KCNU1: variants seen among roughly 807,000 people sequenced by gnomAD.
KCNU1 encodes potassium channel subfamily U member 1.
KCNU1 carries 93 observed loss-of-function variants against 126.8 expected under a neutral mutation model. The observed-to-expected ratio is 0.73, with a 90% CI of 0.62 to 0.87. KCNU1 has a LOEUF of 0.87. KCNU1 is among the 40% of genes least tolerant of loss of function. The pLI is 0.00. For missense variants in KCNU1, 1,330 were observed against 1,367.1 expected (o/e 0.97, Z 0.43); for synonymous variants, 523 against 494.2 (o/e 1.06, Z -0.77).
At chr8:36,906,057 C>G (rs1466312588) in intron 20 of KCNU1, among the ~76,000 whole-genome samples, 1 of 152,092 alleles carries the variant, frequency 6.6e-6, no homozygotes, top group Non-Finnish European at 1.5e-5. Context: ...TTCCTCTCTC[C>G]TTTGACAGTT....
intron 2 of KCNU1, among the ~76,000 whole-genome samples, chr8:36,793,718 AGTTGTCCTAGTGTAATT>A (rs560303205): frequency 0.012 from 1,830 of 152,252 alleles, 38 homozygotes; most frequent in African/African-American, 0.041. Context: ...GATTTCTGCT[AGTTGTCCTAGTGTAATT>A]GTTAATAGAG....
intron 25 of KCNU1, among the ~76,000 whole-genome samples, chr8:36,932,290 A>C (rs992437456): frequency 6.6e-6 from 1 of 152,114 alleles, no homozygotes; most frequent in Non-Finnish European, 1.5e-5. Flanking sequence ...TCCTGTTGGC[A>C]TCAAAGAGGA....
At chr8:36,920,494 C>T (rs918531852) in intron 23 of KCNU1, among the ~76,000 whole-genome samples, 6 of 152,152 alleles carry the variant, frequency 3.9e-5, no homozygotes, top group Non-Finnish European at 5.9e-5. Flanking sequence ...TTTCTGGCAC[C>T]ATGTAGCCCT....
At chr8:36,828,248 G>T (rs1465645079) in intron 10 of KCNU1, among the ~76,000 whole-genome samples, 1 of 151,904 alleles carries the variant, frequency 6.6e-6, no homozygotes, top group African/African-American at 2.4e-5. Context: ...ATTCATAATT[G>T]GTTTACACAT....
intron 23 of KCNU1, among the ~76,000 whole-genome samples, chr8:36,920,548 CTTG>C (rs3086391): frequency 0.21 from 31,911 of 151,934 alleles, 3,774 homozygotes; most frequent in Middle Eastern, 0.34. Context: ...TGTCCAGGTT[CTTG>C]TTGTCTGGCT....
intron 18 of KCNU1, among the ~76,000 whole-genome samples, chr8:36,849,922 C>T (rs966810152): frequency 5.9e-5 from 9 of 152,184 alleles, no homozygotes; most frequent in Non-Finnish European, 1.3e-4. Flanking sequence ...ACGGCAGCTA[C>T]ACCATTTTAT....
intron 19 of KCNU1, among the ~76,000 whole-genome samples, chr8:36,892,100 A>G (rs767246299): frequency 1.8e-4 from 27 of 152,022 alleles, no homozygotes; most frequent in Non-Finnish European, 3.4e-4. Flanking sequence ...ATGTTGATAC[A>G]CTTGATGATG....
intron 19 of KCNU1, among the ~76,000 whole-genome samples, chr8:36,899,812 G>A (rs1377623557): frequency 6.6e-6 from 1 of 152,120 alleles, no homozygotes; most frequent in African/African-American, 2.4e-5. Flanking sequence ...GATATTTCAA[G>A]TGTTTTATTC....
At chr8:36,879,739 G>A (rs1734106191) in intron 19 of KCNU1, among the ~76,000 whole-genome samples, 2 of 152,152 alleles carry the variant, frequency 1.3e-5, no homozygotes, top group African/African-American at 4.8e-5. Context: ...CTTTCCCTCA[G>A]GTGAAATTTA....
chr8:36,844,412 A>T (rs1329743035), intron 16 of KCNU1, among the ~76,000 whole-genome samples: 1 of 152,080 alleles, frequency 6.6e-6, no homozygotes, highest in East Asian at 1.9e-4. Context: ...GCTATGTAAG[A>T]CACAACTAAG....
At chr8:36,858,386 G>A (rs1256951150) in intron 18 of KCNU1, among the ~76,000 whole-genome samples, 1 of 151,720 alleles carries the variant, frequency 6.6e-6, no homozygotes, top group African/African-American at 2.4e-5. Flanking sequence ...AATCTTTTTT[G>A]AAGCAATGGA....
At chr8:36,917,234 A>G (rs1444065368) in intron 22 of KCNU1, among the ~76,000 whole-genome samples, 4 of 152,134 alleles carry the variant, frequency 2.6e-5, no homozygotes, top group African/African-American at 4.8e-5. Context: ...TTCCTCTTAC[A>G]TCCTCAGAAA....
chr8:36,926,000 C>T (rs1190645222), intron 24 of KCNU1, among the ~76,000 whole-genome samples: 2 of 152,064 alleles, frequency 1.3e-5, no homozygotes, highest in Non-Finnish European at 1.5e-5. Context: ...CATACCTTTT[C>T]CTACATAGAT....
intron 19 of KCNU1, among the ~76,000 whole-genome samples, chr8:36,878,471 C>G (rs1428774460): frequency 6.6e-6 from 1 of 152,148 alleles, no homozygotes; most frequent in Non-Finnish European, 1.5e-5. Context: ...GAAGTCATAT[C>G]CCTGCTCACA....
At chr8:36,869,897 C>G (rs1157101698) in intron 19 of KCNU1, among the ~76,000 whole-genome samples, 2 of 152,128 alleles carry the variant, frequency 1.3e-5, no homozygotes, top group Non-Finnish European at 2.9e-5. Flanking sequence ...GGAGAGGTTA[C>G]AGAGTTCAAG....
chr8:36,817,580 A>T, intron 9 of KCNU1, 70 bp from the exon 10 acceptor site: 1 of 724,058 alleles, frequency 1.4e-6, no homozygotes, highest in East Asian at 2.6e-5. Context: ...CCAATTATTT[A>T]TCTCTAAATG....
chr8:36,858,413 G>A (rs1038895403), intron 18 of KCNU1, among the ~76,000 whole-genome samples: 3 of 151,920 alleles, frequency 2.0e-5, no homozygotes, highest in African/African-American at 7.2e-5. Context: ...TGACTAAATA[G>A]GAAGAAAGTC....
chr8:36,869,588 A>G (rs953005401), intron 19 of KCNU1, among the ~76,000 whole-genome samples: 1 of 152,124 alleles, frequency 6.6e-6, no homozygotes, highest in African/African-American at 2.4e-5. Context: ...AATATTAGCC[A>G]TGAGCAATAG....
chr8:36,794,764 A>C (rs1457330867), intron 2 of KCNU1, among the ~76,000 whole-genome samples: 3 of 152,040 alleles, frequency 2.0e-5, no homozygotes, highest in Non-Finnish European at 4.4e-5. Context: ...TGTACAAAAA[A>C]TAAAAATATA....
Sources: allele counts gnomAD v4.1 joint callset (sites outside exome capture counted in the v4.1 genomes callset), GRCh38; gene constraint gnomAD v4.1.1; transcripts MANE v1.5; gene names NCBI Gene and HGNC (gene_info 2026-07-23, HGNC 2026-07-21).